THSD4: variants seen among roughly 807,000 people sequenced by gnomAD.
THSD4 encodes the protein thrombospondin type-1 domain-containing protein 4.
Under a neutral mutation model 119.0 loss-of-function variants are expected in THSD4, and 69 were observed. The ratio of observed to expected loss-of-function variants is 0.58; its 90% CI spans 0.48 to 0.71. The LOEUF (loss-of-function observed/expected upper bound fraction) is 0.71. Among genes scored for constraint, THSD4 ranks in the 30% least tolerant of loss-of-function variants. The pLI is 0.00. For synonymous variants in THSD4, 524 were observed against 540.4 expected (o/e 0.97, Z 0.42); for missense variants, 1,393 against 1,391.1 (o/e 1.00, Z -0.02).
In THSD4 at chr15:71,441,281, C is replaced by T. The variant is rs1257153713; in HGVS notation, c.1152+29458C>T. On this transcript the variant is annotated intron_variant, in intron 7 of 17. Coordinates refer to ENST00000261862, the MANE Select transcript of THSD4 (RefSeq NM_024817.3). ...GGGGGTAGCAAAGACAGGCAGTGAC[C>T]AGGTGCAGAAATTGTCCAGGATATT... 1.9e-4 allele frequency among the ~76,000 whole-genome samples: 7 copies of T among 36,596 alleles called. No homozygotes were observed. The South Asian group carries it at 6.2e-3, about 32-fold the overall frequency. The allele number at this position is 36,596 out of a possible 152,430, so 24.0% of individuals were successfully genotyped here. A position where few individuals can be genotyped will look rare whatever the true frequency, so the allele number is the denominator to read the frequency against.
intron 6 of THSD4, among the ~76,000 whole-genome samples, chr15:71,275,976 C>T (rs1280018806): frequency 1.3e-5 from 2 of 152,234 alleles, no homozygotes; most frequent in Non-Finnish European, 2.9e-5. Flanking sequence ...TTTCTATCAG[C>T]AGCATGAGAA....
chr15:71,564,300 G>A (rs2049181514), intron 7 of THSD4, among the ~76,000 whole-genome samples: 1 of 152,322 alleles, frequency 6.6e-6, no homozygotes, highest in Admixed American at 6.5e-5. Context: ...AATCCAGTGT[G>A]AAAACTGTTG....
intron 7 of THSD4, among the ~76,000 whole-genome samples, chr15:71,447,684 T>C (rs1338358285): frequency 6.6e-6 from 1 of 152,226 alleles, no homozygotes; most frequent in African/African-American, 2.4e-5. Context: ...ACCTGAGTTG[T>C]GTCAATTAGC....
chr15:71,696,243 C>T (rs370379019), intron 8 of THSD4, among the ~76,000 whole-genome samples: 3 of 152,160 alleles, frequency 2.0e-5, no homozygotes, highest in East Asian at 1.9e-4. Context: ...TGAGGGCTTT[C>T]GTGCTATGTC....
At chr15:71,347,087 T>A (rs1358246473) in intron 6 of THSD4, among the ~76,000 whole-genome samples, 2 of 152,066 alleles carry the variant, frequency 1.3e-5, no homozygotes, top group Non-Finnish European at 2.9e-5. Flanking sequence ...CTGGCCAGGC[T>A]GGTCTCGAAC....
intron 6 of THSD4, among the ~76,000 whole-genome samples, chr15:71,258,216 T>C (rs910580799): frequency 1.3e-5 from 2 of 152,236 alleles, no homozygotes; most frequent in Non-Finnish European, 2.9e-5. Flanking sequence ...TCTTGCACTA[T>C]TGCCCAGGCT....
intron 7 of THSD4, among the ~76,000 whole-genome samples, chr15:71,654,794 T>G (rs553667714): frequency 6.6e-6 from 1 of 152,216 alleles, no homozygotes; most frequent in Non-Finnish European, 1.5e-5. Context: ...CACGCTGTTT[T>G]ACCTGTGGGG....
chr15:71,327,260 GA>G (rs2045358703), intron 6 of THSD4, among the ~76,000 whole-genome samples: 1 of 151,978 alleles, frequency 6.6e-6, no homozygotes, highest in Non-Finnish European at 1.5e-5. Context: ...TCTCCCCTGT[GA>G]AATACATAAA....
chr15:71,306,306 TCAAAAAAAAAAAAA>T (rs2045027049), intron 6 of THSD4, among the ~76,000 whole-genome samples: 1 of 30,856 alleles, frequency 3.2e-5, no homozygotes, highest in Non-Finnish European at 5.7e-5. Context: ...GACTCTTGCC[TCAAAAAAAAAAAAA>T]AAAAAAAAAA....
chr15:71,414,012 T>C (rs541789439), intron 7 of THSD4, among the ~76,000 whole-genome samples: 22 of 152,372 alleles, frequency 1.4e-4, no homozygotes, highest in South Asian at 8.3e-4. Context: ...GTGCACACTG[T>C]TGAGGAATGG....
chr15:71,313,680 G>A (rs1596330954), intron 6 of THSD4, among the ~76,000 whole-genome samples: 1 of 152,184 alleles, frequency 6.6e-6, no homozygotes, highest in Non-Finnish European at 1.5e-5. Context: ...TTTCGTAAAA[G>A]TGTTTCTTAG....
chr15:71,523,990 A>G (rs1240596597), intron 7 of THSD4, among the ~76,000 whole-genome samples: 1 of 152,224 alleles, frequency 6.6e-6, no homozygotes, highest in African/African-American at 2.4e-5. Context: ...CACGTATATC[A>G]TAAGTGTCTA....
rs979929390 is a variant in THSD4 at position 71,713,985 on chromosome 15, T to C, written c.1358-14564T>C. On this transcript the variant is annotated intron_variant, in intron 8 of 17. Transcript: ENST00000261862. Reference sequence around the variant, plus strand: ...CCAATGTGGAGTAGAAGGTGAGCCATAGAACAAGACAAGCAGATATGGGGT... The same window carrying C: ...CCAATGTGGAGTAGAAGGTGAGCCACAGAACAAGACAAGCAGATATGGGGT... Among the ~76,000 whole-genome samples, 3 of 152,170 alleles carry C rather than the reference T, an allele frequency of 2.0e-5. No homozygotes were observed. The South Asian group carries it at 6.2e-4, about 32-fold the overall frequency.
At chr15:71,122,095 A>G (rs1461203396) in intron 1 of THSD4, among the ~76,000 whole-genome samples, 1 of 151,978 alleles carries the variant, frequency 6.6e-6, no homozygotes, top group African/African-American at 2.4e-5. Context: ...TCCAGAGCAG[A>G]CAAGTACCCA....
chr15:71,746,940 G>T lies in THSD4; in HGVS notation c.2139G>T (p.Thr713=). The T allele has an allele frequency of 6.2e-7, 1 of 1,613,854 alleles. No homozygotes were observed. Among genetic ancestry groups the T allele is most frequent in the Non-Finnish European group, 8.5e-7 (1 of 1,180,026 alleles). The change falls in exon 13 of 18, where the codon ACG becomes ACT. Residue 713 remains threonine (T), a synonymous_variant. Transcript: ENST00000261862. ...AGGTGTACGCCAACCGCAGCCTGAC[G>T]GTGCAGCCCTACCGCTGCCAGCACC... ...CRQVYANRSL[T]VQPYRCQHLE... is the part of the protein sequence containing the mutation.
chr15:71,244,180 C>G (rs2044179391), intron 5 of THSD4, among the ~76,000 whole-genome samples: 1 of 152,134 alleles, frequency 6.6e-6, no homozygotes, highest in Non-Finnish European at 1.5e-5. Context: ...GGTAAAATAA[C>G]TTGCTGAAGA....
intron 8 of THSD4, among the ~76,000 whole-genome samples, chr15:71,727,587 T>TATATATACAC (rs2052882975): frequency 2.2e-4 from 2 of 9,284 alleles, no homozygotes; most frequent in African/African-American, 5.0e-4. Flanking sequence ...TATATATATA[T>TATATATACAC]ACACACACAC....
chr15:71,675,931 A>T (rs551775221), intron 8 of THSD4, among the ~76,000 whole-genome samples: 1 of 152,160 alleles, frequency 6.6e-6, no homozygotes, highest in Non-Finnish European at 1.5e-5. Context: ...CCTTGCAGCC[A>T]TCTTGCACCC....
chr15:71,565,549 A>G (rs1057329930), intron 7 of THSD4, among the ~76,000 whole-genome samples: 2 of 152,244 alleles, frequency 1.3e-5, no homozygotes, highest in Admixed American at 1.3e-4. Flanking sequence ...TGCTAATTGC[A>G]TGGAGTACAG....
Sources: allele counts gnomAD v4.1 joint callset (sites outside exome capture counted in the v4.1 genomes callset), GRCh38; gene constraint gnomAD v4.1.1; transcripts MANE v1.5; gene names NCBI Gene and HGNC (gene_info 2026-07-23, HGNC 2026-07-21).